ZHX2: variants seen among roughly 807,000 people sequenced by gnomAD.
The protein encoded by ZHX2 is zinc fingers and homeoboxes protein 2.
ZHX2 carries 6 observed loss-of-function variants against 21.9 expected under a neutral mutation model. The ratio of observed to expected loss-of-function variants is 0.27; its 90% CI spans 0.15 to 0.54. The LOEUF (loss-of-function observed/expected upper bound fraction) is 0.54, where lower values mean the gene tolerates loss of function less well. Among genes scored for constraint, ZHX2 ranks in the 20% least tolerant of loss-of-function variants. The probability of loss-of-function intolerance (pLI) is 0.95; values close to 1 mark genes in which losing one functional copy is unlikely to be tolerated. For synonymous variants in ZHX2, 434 were observed against 437.1 expected (o/e 0.99, Z 0.09); for missense variants, 908 against 1,090.7 (o/e 0.83, Z 2.36).
chr8:122,902,003 C>T (rs2129942862), intron 2 of ZHX2, among the ~76,000 whole-genome samples: 1 of 151,632 alleles, frequency 6.6e-6, no homozygotes, highest in African/African-American at 2.4e-5. Flanking sequence ...TTTCAGAAGC[C>T]CCAGTCCTAT....
chr8:122,925,387 G>T (rs1049846467), intron 2 of ZHX2, among the ~76,000 whole-genome samples: 3 of 152,176 alleles, frequency 2.0e-5, no homozygotes, highest in Non-Finnish European at 4.4e-5. Context: ...AGTTCTTAGT[G>T]CTATGGAAAA....
At chr8:122,901,932 A>AAT (rs970954597) in intron 2 of ZHX2, among the ~76,000 whole-genome samples, 1 of 152,218 alleles carries the variant, frequency 6.6e-6, no homozygotes, top group Non-Finnish European at 1.5e-5. Flanking sequence ...AGATGTGAAA[A>AAT]ATATGCTCCA....
In ZHX2 at chr8:122,813,167, G is replaced by C. The variant is rs1817965486; in HGVS notation, c.-283+31221G>C. Among the ~76,000 whole-genome samples, 3 of 148,076 alleles carry C rather than the reference G, an allele frequency of 2.0e-5. No individual in the cohort carries two copies. In the South Asian group the frequency reaches 6.3e-4, roughly 31 times the overall value. Reference sequence around the variant, plus strand: ...GCCAAGATCACGCCACTGTACTCCAGCCTGGGCAACAAGAGTGAAACTCTG... The same window carrying C: ...GCCAAGATCACGCCACTGTACTCCACCCTGGGCAACAAGAGTGAAACTCTG... On this transcript the variant is annotated intron_variant, in intron 1 of 3. Coordinates refer to ENST00000314393, the MANE Select transcript of ZHX2 (RefSeq NM_014943.5).
chr8:122,836,424 G>A (rs1398420626), intron 1 of ZHX2, among the ~76,000 whole-genome samples: 1 of 152,184 alleles, frequency 6.6e-6, no homozygotes, highest in Non-Finnish European at 1.5e-5. Context: ...AGGGGATGCA[G>A]ACCTGAGCCC....
In ZHX2 at chr8:122,974,277, C is replaced by G. The variant is rs563974099; in HGVS notation, c.*1040C>G. The stretch of plus-strand genomic sequence containing the variant: ...GTTTGTTTTGGGACAATTTTAGATA[C>G]CTGAGTGCACTTTTTCAGTTAGTCC... On this transcript the variant is annotated 3_prime_UTR_variant, in exon 4 of 4. Coordinates refer to ENST00000314393, the MANE Select transcript of ZHX2 (RefSeq NM_014943.5). 1.3e-5 allele frequency: 2 copies of G among 152,096 alleles called. No individual in the cohort carries two copies. The highest frequency in any genetic ancestry group is 2.9e-5 in the Non-Finnish European group (2 of 67,944). 9.4% of individuals were successfully genotyped at this position (152,096 alleles called of 1,614,324 possible). A position where few individuals can be genotyped will look rare whatever the true frequency, so the allele number is the denominator to read the frequency against.
chr8:122,927,263 T>C (rs139126155), intron 2 of ZHX2, among the ~76,000 whole-genome samples: 3,256 of 152,262 alleles, frequency 0.021, 107 homozygotes, highest in African/African-American at 0.074. Context: ...GGGAGGTTGA[T>C]GCAGGCAGAT....
intron 1 of ZHX2, among the ~76,000 whole-genome samples, chr8:122,826,217 A>T (rs1214128639): frequency 6.6e-6 from 1 of 152,342 alleles, no homozygotes. Flanking sequence ...CATATTTTGC[A>T]TTTAAAAAGG....
chr8:122,866,956 C>T (rs1347792272), intron 2 of ZHX2, among the ~76,000 whole-genome samples: 1 of 151,430 alleles, frequency 6.6e-6, no homozygotes, highest in African/African-American at 2.4e-5. Context: ...TCCCAAGTAG[C>T]TGGGATTACA....
intron 1 of ZHX2, among the ~76,000 whole-genome samples, chr8:122,787,297 T>C (rs1476052472): frequency 1.3e-5 from 2 of 152,280 alleles, no homozygotes; most frequent in East Asian, 3.9e-4. Context: ...CCTCTTTCTC[T>C]CCCCCTTACT....
In ZHX2 at chr8:122,952,499, GGAA is replaced by G. The variant is rs777714483; in HGVS notation, c.995_997del (p.Lys332del). The G allele has an allele frequency of 6.2e-7, 1 of 1,614,104 alleles. No individual in the cohort carries two copies. Among genetic ancestry groups the G allele is most frequent in the Non-Finnish European group, 8.5e-7 (1 of 1,180,008 alleles). Reference sequence around the variant, plus strand: ...TCCCCAGAAGAGGTGGAGGAGGCCCGGAAGAAGATGTTCAACGGCACCATCCAG... The same window carrying G: ...TCCCCAGAAGAGGTGGAGGAGGCCCGGAAGATGTTCAACGGCACCATCCAG... On this transcript the variant is annotated inframe_deletion, in exon 3 of 4. Transcript: ENST00000314393. This position sits in a 1 kb window ranked among gnomAD's most constrained non-coding sequence, Gnocchi z 6.9.
Position 122,887,388 on chromosome 8 carries a change from G to A in ZHX2, c.-220+23849G>A, listed in dbSNP as rs1819869174. 2.0e-5 allele frequency among the ~76,000 whole-genome samples: 3 copies of A among 151,570 alleles called. No homozygotes were observed. In the South Asian group the frequency reaches 6.3e-4, roughly 32 times the overall value. On this transcript the variant is annotated intron_variant, in intron 2 of 3. Transcript: ENST00000314393. ...AAAAAAGTAGCCGGGTGTGGTGGCA[G>A]GCGCCTGTAATCCCAGCTACTTGGG...
intron 2 of ZHX2, among the ~76,000 whole-genome samples, chr8:122,869,081 G>C (rs191248553): frequency 6.6e-6 from 1 of 152,258 alleles, no homozygotes; most frequent in African/African-American, 2.4e-5. Context: ...AACCTGGTGA[G>C]CTGGGCTGCA....
intron 2 of ZHX2, among the ~76,000 whole-genome samples, chr8:122,883,851 T>G (rs1563767389): frequency 6.6e-6 from 1 of 152,256 alleles, no homozygotes; most frequent in Admixed American, 6.5e-5. Flanking sequence ...GGTTTGGCTC[T>G]TAATGCATGA....
At chr8:122,909,962 C>A (rs1368784247) in intron 2 of ZHX2, among the ~76,000 whole-genome samples, 3 of 152,128 alleles carry the variant, frequency 2.0e-5, no homozygotes. Flanking sequence ...ACTGGAAGGG[C>A]AGCCTCTCAG....
At chr8:122,819,097 G>T (rs906384403) in intron 1 of ZHX2, among the ~76,000 whole-genome samples, 35 of 152,312 alleles carry the variant, frequency 2.3e-4, no homozygotes, top group African/African-American at 7.2e-4. Flanking sequence ...GGAGCTGAAG[G>T]CCTTCTTGAA....
intron 1 of ZHX2, among the ~76,000 whole-genome samples, chr8:122,817,707 C>T (rs1434599807): frequency 6.6e-6 from 1 of 152,208 alleles, no homozygotes; most frequent in Non-Finnish European, 1.5e-5. Context: ...ACTGTGTGGC[C>T]CTGCCCCTGA....
intron 1 of ZHX2, among the ~76,000 whole-genome samples, chr8:122,786,940 C>G (rs1381508588): frequency 1.3e-5 from 2 of 152,110 alleles, no homozygotes; most frequent in African/African-American, 4.8e-5. Flanking sequence ...TCATTTTGAA[C>G]TGAAAAAACT....
At chr8:122,834,855 C>G (rs1175837633) in intron 1 of ZHX2, among the ~76,000 whole-genome samples, 5 of 152,184 alleles carry the variant, frequency 3.3e-5, no homozygotes, top group African/African-American at 1.2e-4. Context: ...GCTTTATGGG[C>G]ACCCTTTTTG....
intron 2 of ZHX2, among the ~76,000 whole-genome samples, chr8:122,885,886 G>A (rs1290004501): frequency 6.6e-6 from 1 of 152,162 alleles, no homozygotes; most frequent in Non-Finnish European, 1.5e-5. Context: ...GGCCTAGTGG[G>A]CTCTGCTAGT....
Sources: gnomAD v4.1 joint callset for allele counts (sites outside exome capture counted in the v4.1 genomes callset) on GRCh38, gnomAD v4.1.1 for gene constraint, Gnocchi (gnomAD v3.1) non-coding constraint, MANE v1.5 for transcripts, NCBI Gene and HGNC (gene_info 2026-07-23, HGNC 2026-07-21) for gene names.